DFFB: variants seen among roughly 807,000 people sequenced by gnomAD.
The protein encoded by DFFB is DNA fragmentation factor 40 kDa subunit.
DFFB carries 29 observed loss-of-function variants against 32.7 expected under a neutral mutation model. The ratio of observed to expected loss-of-function variants is 0.89; its 90% CI spans 0.66 to 1.21. DFFB has a LOEUF of 1.21. DFFB is among the 50% of genes most tolerant of loss of function. The probability of loss-of-function intolerance (pLI) is 0.00; values close to 1 mark genes in which losing one functional copy is unlikely to be tolerated. For missense variants in DFFB, 398 were observed against 440.6 expected, an observed-to-expected ratio of 0.90 and a Z score of 0.87; for synonymous variants, 170 against 177.1, an observed-to-expected ratio of 0.96 and a Z score of 0.32.
At position 3,858,772 on chromosome 1, in the gene DFFB, G is replaced by A. The variant is rs750659695; in HGVS notation, c.169G>A (p.Glu57Lys). ...CLYEDGTELT[E>K]DYFPSVPDNA... Reference sequence around the variant, plus strand: ...GTACGAGGATGGCACGGAGCTGACGGAAGATTACTTCCCCAGTGTTCCCGA... The same window carrying A: ...GTACGAGGATGGCACGGAGCTGACGAAAGATTACTTCCCCAGTGTTCCCGA... Residue 57 changes from glutamate to lysine, a missense_variant, in exon 2 of 7, where the codon GAA (glutamate) becomes AAA (lysine). Coordinates refer to ENST00000378209, the MANE Select transcript of DFFB (RefSeq NM_004402.4). 1 of 1,614,192 alleles carries A rather than the reference G, an allele frequency of 6.2e-7. No homozygotes were observed. Among genetic ancestry groups the A allele is most frequent in the South Asian group, 1.1e-5 (1 of 91,086 alleles).
intron 4 of DFFB, among the ~76,000 whole-genome samples, chr1:3,868,857 T>C (rs1011093060): frequency 2.6e-5 from 4 of 152,240 alleles, no homozygotes; most frequent in Non-Finnish European, 5.9e-5. Context: ...GTGGCACAAT[T>C]GCTAATGCTG....
At position 3,883,799 on chromosome 1, in the gene DFFB, A is replaced by G. The variant is rs1426682103; in HGVS notation, c.*58A>G. The G allele has an allele frequency of 1.3e-6, 2 of 1,490,282 alleles. No homozygotes were observed. The highest frequency in any genetic ancestry group is 1.8e-6 in the Non-Finnish European group (2 of 1,086,192). The allele number at this position is 1,490,282 out of a possible 1,614,324, so 92.3% of individuals were successfully genotyped here. On this transcript the variant is annotated 3_prime_UTR_variant, in exon 7 of 7. Transcript: ENST00000378209. ...GGCCTGACGTGGGCATCATTTTAAC[A>G]GGTGCCTTTTTTGTTTTTTTGTTTT... is the stretch of plus-strand genomic sequence containing the variant.
At chr1:3,876,496 C>T (rs747164292) in intron 6 of DFFB, among the ~76,000 whole-genome samples, 5 of 152,206 alleles carry the variant, frequency 3.3e-5, no homozygotes, top group Non-Finnish European at 7.3e-5. Flanking sequence ...GTTTTCAGCA[C>T]CGGTCTTCGG....
At chr1:3,860,223 T>C (rs928488476) in intron 2 of DFFB, among the ~76,000 whole-genome samples, 1 of 152,094 alleles carries the variant, frequency 6.6e-6, no homozygotes, top group Non-Finnish European at 1.5e-5. Context: ...CCACTGTGCC[T>C]GGCCAAAATA....
chr1:3,869,312 C>T (rs994690360), intron 4 of DFFB, among the ~76,000 whole-genome samples: 1 of 152,230 alleles, frequency 6.6e-6, no homozygotes, highest in Non-Finnish European at 1.5e-5. Flanking sequence ...CCGCCCACCT[C>T]GGCCTCCCAG....
At position 3,865,986 on chromosome 1, in the gene DFFB, C is replaced by T. The variant is rs550477801; in HGVS notation, c.416C>T (p.Pro139Leu). 5.5e-5 allele frequency: 86 copies of T among 1,568,300 alleles called. No individual in the cohort carries two copies. The highest frequency in any genetic ancestry group is 2.8e-4 in the Admixed American group (16 of 56,620). Residue 139 changes from proline to leucine, a missense_variant, in exon 3 of 7, where the codon CCG becomes CTG. Pro to Leu is a moderately conservative substitution (Grantham distance 98). Coordinates refer to ENST00000378209, the MANE Select transcript of DFFB (RefSeq NM_004402.4). The surrounding 1 kb of genome is among the most constrained non-coding windows in gnomAD (Gnocchi z 4.7). The stretch of plus-strand genomic sequence containing the variant: ...GCGGCCGAGACCCGGGCTGAGGACC[C>T]GCCGTGGTTTGAAGGTGCGTGGGGG... Reference protein sequence around the residue: ...NIAAETRAEDPPWFEGLESRF... With the variant: ...NIAAETRAEDLPWFEGLESRF...
In DFFB at chr1:3,865,516, T is replaced by G; in HGVS notation, c.242-296T>G. The stretch of plus-strand genomic sequence containing the variant: ...CCAGGAAGGGCCAAAGTGGGGGGCG[T>G]ATGGTTTGGAGGGGAGGAGGCCAAA... On this transcript the variant is annotated intron_variant, in intron 2 of 6. Coordinates refer to ENST00000378209, the MANE Select transcript of DFFB (RefSeq NM_004402.4). The surrounding 1 kb of genome is among the most constrained non-coding windows in gnomAD (Gnocchi z 4.7). 2 of 525,884 alleles carry G rather than the reference T, an allele frequency of 3.8e-6. No homozygotes were observed. Among genetic ancestry groups the G allele is most frequent in the Non-Finnish European group, 6.9e-6 (2 of 289,952 alleles). The allele number at this position is 525,884 out of a possible 1,614,324, so 32.6% of individuals were successfully genotyped here.
intron 1 of DFFB, 46 bp downstream of exon 1, chr1:3,857,763 G>A: frequency 7.6e-7 from 1 of 1,319,036 alleles, no homozygotes; most frequent in South Asian, 1.5e-5. Flanking sequence ...GAGGCGTGTG[G>A]GGAGAATAGG....
rs984342063 is a variant in DFFB at position 3,884,384 on chromosome 1, G to A, written c.*643G>A. ...GTCACCATACTCAAATGGTGTCATG[G>A]CTGAAGTTGGCCACCTTGCTTGAGG... On this transcript the variant is annotated 3_prime_UTR_variant, in exon 7 of 7. Transcript: ENST00000378209. The A allele has an allele frequency of 2.6e-5, 4 of 152,524 alleles. No homozygotes were observed. The highest frequency in any genetic ancestry group is 5.9e-5 in the Non-Finnish European group (4 of 68,312). The allele number at this position is 152,524 out of a possible 1,614,324, so 9.4% of individuals were successfully genotyped here. A position where few individuals can be genotyped will look rare whatever the true frequency, so the allele number is the denominator to read the frequency against.
rs1040098817 is a variant in DFFB, at chr1:3,865,164, A to G, written c.242-648A>G. Reference sequence around the variant, plus strand: ...ACGCAGTGCTTTTGATGTTAGGTCTAAGGACTTCCACCAAGTCCTCACTCC... The same window carrying G: ...ACGCAGTGCTTTTGATGTTAGGTCTGAGGACTTCCACCAAGTCCTCACTCC... On this transcript the variant is annotated intron_variant, in intron 2 of 6. Coordinates refer to ENST00000378209, the MANE Select transcript of DFFB (RefSeq NM_004402.4). The surrounding 1 kb of genome is among the most constrained non-coding windows in gnomAD (Gnocchi z 4.7). Among the ~76,000 whole-genome samples the G allele has an allele frequency of 1.3e-5, 2 of 151,978 alleles. No individual in the cohort carries two copies. The highest frequency in any genetic ancestry group is 2.4e-5 in the African/African-American group (1 of 41,340).
chr1:3,858,886 TC>T (rs761080580), intron 2 of DFFB, 42 bp downstream of exon 2: 1 of 1,605,658 alleles, frequency 6.2e-7, no homozygotes, highest in East Asian at 2.2e-5. Context: ...AAGCTGGCAC[TC>T]TCCGAGGTCC....
At chr1:3,871,827 A>G (rs1367485799) in intron 5 of DFFB, among the ~76,000 whole-genome samples, 2 of 152,220 alleles carry the variant, frequency 1.3e-5, no homozygotes, top group Non-Finnish European at 2.9e-5. Context: ...GGCCTCAGGA[A>G]ACTCACACTT....
chr1:3,865,451 G>A lies in DFFB; in HGVS notation c.242-361G>A, dbSNP rs1402390851. Among the ~76,000 whole-genome samples the A allele has an allele frequency of 6.6e-6, 1 of 152,192 alleles. No individual in the cohort carries two copies. Among genetic ancestry groups the A allele is most frequent in the Non-Finnish European group, 1.5e-5 (1 of 68,050 alleles). On this transcript the variant is annotated intron_variant, in intron 2 of 6. Coordinates refer to ENST00000378209, the MANE Select transcript of DFFB (RefSeq NM_004402.4). The surrounding 1 kb of genome is among the most constrained non-coding windows in gnomAD (Gnocchi z 4.7). ...GGAGTTGTGAAAAGGCTCCAGGAGA[G>A]AGTAGGAAAAGTGATCGGAAGGATC...
chr1:3,861,193 T>C (rs1236961396), intron 2 of DFFB, among the ~76,000 whole-genome samples: 2 of 151,186 alleles, frequency 1.3e-5, no homozygotes, highest in Non-Finnish European at 2.9e-5. Flanking sequence ...AGTGGAATCA[T>C]AAAGTATGTG....
chr1:3,878,571 C>T (rs1452060324), intron 6 of DFFB, among the ~76,000 whole-genome samples: 1 of 152,178 alleles, frequency 6.6e-6, no homozygotes, highest in Non-Finnish European at 1.5e-5. Context: ...TCTTGTGTGC[C>T]TTCTGTTGAC....
Position 3,883,803 on chromosome 1 carries a change from G to C in DFFB, c.*62G>C. 1 of 1,478,660 alleles carries C rather than the reference G, an allele frequency of 6.8e-7. No individual in the cohort carries two copies. Among genetic ancestry groups the C allele is most frequent in the Non-Finnish European group, 9.3e-7 (1 of 1,078,306 alleles). The allele number at this position is 1,478,660 out of a possible 1,614,324, so 91.6% of individuals were successfully genotyped here. A position where few individuals can be genotyped will look rare whatever the true frequency, so the allele number is the denominator to read the frequency against. ...TGACGTGGGCATCATTTTAACAGGT[G>C]CCTTTTTTGTTTTTTTGTTTTTCGT... On this transcript the variant is annotated 3_prime_UTR_variant, in exon 7 of 7. Coordinates refer to ENST00000378209, the MANE Select transcript of DFFB (RefSeq NM_004402.4).
chr1:3,869,261 A>G (rs952125211), intron 4 of DFFB, among the ~76,000 whole-genome samples: 1 of 152,206 alleles, frequency 6.6e-6, no homozygotes. Context: ...GGGTTTCACC[A>G]TGTTGGTCAG....
At chr1:3,877,714 A>T (rs1645252932) in intron 6 of DFFB, among the ~76,000 whole-genome samples, 1 of 152,038 alleles carries the variant, frequency 6.6e-6, no homozygotes, top group Non-Finnish European at 1.5e-5. Context: ...GTTTCCGAGC[A>T]TGTTTTCGTG....
intron 6 of DFFB, among the ~76,000 whole-genome samples, chr1:3,873,993 A>G (rs1645171099): frequency 6.6e-6 from 1 of 151,258 alleles, no homozygotes; most frequent in Admixed American, 6.6e-5. Context: ...CAGCCTCTAC[A>G]CCTTGCCCCG....
Sources: gnomAD v4.1 joint callset for allele counts (sites outside exome capture counted in the v4.1 genomes callset) on GRCh38, gnomAD v4.1.1 for gene constraint, Gnocchi (gnomAD v3.1) non-coding constraint, MANE v1.5 for transcripts, NCBI Gene and HGNC (gene_info 2026-07-23, HGNC 2026-07-21) for gene names.